SMARCC1: variants seen among roughly 807,000 people sequenced by gnomAD.
SMARCC1 encodes SWI/SNF complex subunit SMARCC1.
In SMARCC1, 43 loss-of-function variants were observed where a neutral mutation model predicts 147.4. The observed-to-expected ratio is 0.29, with a 90% CI of 0.23 to 0.38. SMARCC1 has a LOEUF of 0.38. Among genes scored for constraint, SMARCC1 ranks in the 10% least tolerant of loss-of-function variants. SMARCC1 has a pLI of 1.00. For missense variants in SMARCC1, 1,119 were observed against 1,381.1 expected (o/e 0.81, Z 3.01); for synonymous variants, 495 against 484.4 (o/e 1.02, Z -0.29).
rs560241381 is a variant in SMARCC1 at position 47,720,467 on chromosome 3, A to G, written c.716+199T>C. Among the ~76,000 whole-genome samples the G allele has an allele frequency of 4.6e-5, 7 of 152,192 alleles. No individual in the cohort carries two copies. In the South Asian group the frequency reaches 1.4e-3, roughly 31 times the overall value. ...AGCTAAATAAAGCCATTTATGGCTT[A>G]TTCATTCACCATTTAATGGTGACCT... On this transcript the variant is annotated intron_variant, in intron 7 of 27. Coordinates refer to ENST00000254480, the MANE Select transcript of SMARCC1 (RefSeq NM_003074.4).
chr3:47,585,564 C>T lies in SMARCC1; in HGVS notation c.*2645G>A, dbSNP rs1010274330. 7.2e-5 allele frequency: 11 copies of T among 152,340 alleles called. No individual in the cohort carries two copies. The highest frequency in any genetic ancestry group is 5.2e-4 in the Admixed American group (8 of 15,304). 9.4% of individuals were successfully genotyped at this position (152,340 alleles called of 1,614,324 possible). On this transcript the variant is annotated 3_prime_UTR_variant, in exon 28 of 28. Coordinates refer to ENST00000254480, the MANE Select transcript of SMARCC1 (RefSeq NM_003074.4). ...ATCTTCTGCCCTCAAGGCCTGCCTC[C>T]AACTTGGGACTGTCTAAACTGCATC...
At chr3:47,681,392 CACAGAAGTACATTTTA>C (rs1391952855) in intron 14 of SMARCC1, among the ~76,000 whole-genome samples, 1 of 152,050 alleles carries the variant, frequency 6.6e-6, no homozygotes, top group African/African-American at 2.4e-5. Flanking sequence ...TTAATAATAT[CACAGAAGTACATTTTA>C]ACAATATATG....
chr3:47,663,650 T>A, intron 19 of SMARCC1: 1 of 1,514,328 alleles, frequency 6.6e-7, no homozygotes, highest in Non-Finnish European at 9.2e-7. Flanking sequence ...AGAGGTCCCC[T>A]TTGAACCATC....
chr3:47,682,160 T>C (rs2033652037), intron 14 of SMARCC1, among the ~76,000 whole-genome samples: 1 of 151,062 alleles, frequency 6.6e-6, no homozygotes, highest in Non-Finnish European at 1.5e-5. Flanking sequence ...CCGGGCATGG[T>C]GTTGGGTGCC....
At chr3:47,666,243 T>C (rs1262962899) in intron 19 of SMARCC1, among the ~76,000 whole-genome samples, 1 of 152,200 alleles carries the variant, frequency 6.6e-6, no homozygotes, top group East Asian at 1.9e-4. Context: ...AACACAGCTA[T>C]ACCATTCCCA....
At chr3:47,623,602 C>T (rs944856959) in intron 24 of SMARCC1, among the ~76,000 whole-genome samples, 34 of 152,120 alleles carry the variant, frequency 2.2e-4, no homozygotes, top group Non-Finnish European at 3.4e-4. Flanking sequence ...CAATGAGCTA[C>T]ATCAATGACA....
chr3:47,713,649 T>C (rs1439717146), intron 8 of SMARCC1, among the ~76,000 whole-genome samples: 1 of 152,092 alleles, frequency 6.6e-6, no homozygotes, highest in Non-Finnish European at 1.5e-5. Flanking sequence ...TGCCTTAGCC[T>C]CCCAAAGTGT....
chr3:47,733,924 T>C (rs546768272), intron 5 of SMARCC1, among the ~76,000 whole-genome samples: 3 of 151,176 alleles, frequency 2.0e-5, no homozygotes, highest in African/African-American at 7.3e-5. Context: ...TGTGCTTGTA[T>C]ATACATATAT....
intron 14 of SMARCC1, among the ~76,000 whole-genome samples, chr3:47,681,863 T>C (rs911801131): frequency 6.6e-6 from 1 of 152,096 alleles, no homozygotes; most frequent in African/African-American, 2.4e-5. Context: ...AATGTTTTCA[T>C]TGTTACAGGT....
Position 47,650,276 on chromosome 3 carries a change from AAATAAT to A in SMARCC1, c.2320+11012_2320+11017del, listed in dbSNP as rs34728200. Among the ~76,000 whole-genome samples the A allele has an allele frequency of 4.0e-4, 56 of 138,500 alleles. 1 individual carries two copies. Among genetic ancestry groups the A allele is most frequent in the Admixed American group, 2.6e-3 (36 of 13,760 alleles). The allele number at this position is 138,500 out of a possible 152,430, so 90.9% of individuals were successfully genotyped here. A position where few individuals can be genotyped will look rare whatever the true frequency, so the allele number is the denominator to read the frequency against. Reference sequence around the variant, plus strand: ...GGGCGACAGAGCGAGACTCTGTTTAAAATAATAATAATAATAATAATAATTATTATT... The same window carrying A: ...GGGCGACAGAGCGAGACTCTGTTTAAAATAATAATAATAATAATTATTATT... On this transcript the variant is annotated intron_variant, in intron 21 of 27. Transcript: ENST00000254480.
At chr3:47,724,365 T>C (rs1282787813) in intron 6 of SMARCC1, among the ~76,000 whole-genome samples, 3 of 152,154 alleles carry the variant, frequency 2.0e-5, no homozygotes, top group Admixed American at 6.6e-5. Flanking sequence ...CCAAGTAAAA[T>C]AGGCCAGTCA....
At chr3:47,759,308 C>T (rs1458538001) in intron 2 of SMARCC1, among the ~76,000 whole-genome samples, 1 of 151,476 alleles carries the variant, frequency 6.6e-6, no homozygotes, top group Non-Finnish European at 1.5e-5. Context: ...CCACAGCATA[C>T]AGTACACTCT....
chr3:47,677,574 C>T (rs1165555048), intron 16 of SMARCC1, among the ~76,000 whole-genome samples: 1 of 150,898 alleles, frequency 6.6e-6, no homozygotes, highest in African/African-American at 2.4e-5. Context: ...TTTTTTGAGA[C>T]ACAATCTTGC....
At chr3:47,658,811 T>C (rs2033297331) in intron 21 of SMARCC1, among the ~76,000 whole-genome samples, 1 of 151,974 alleles carries the variant, frequency 6.6e-6, no homozygotes, top group Non-Finnish European at 1.5e-5. Context: ...TAAATCTTGG[T>C]AGAATTATAA....
chr3:47,592,179 A>G (rs1276273707), intron 26 of SMARCC1, among the ~76,000 whole-genome samples: 1 of 152,208 alleles, frequency 6.6e-6, no homozygotes, highest in African/African-American at 2.4e-5. Context: ...CAGTTTCACA[A>G]TGAGCCTTCT....
chr3:47,632,460 T>G (rs2032905902), intron 24 of SMARCC1, among the ~76,000 whole-genome samples: 1 of 152,004 alleles, frequency 6.6e-6, no homozygotes, highest in Non-Finnish European at 1.5e-5. Context: ...TAAAAGGTAA[T>G]CTACCATTTT....
At chr3:47,765,502 A>C (rs951027468) in intron 2 of SMARCC1, among the ~76,000 whole-genome samples, 2 of 152,112 alleles carry the variant, frequency 1.3e-5, no homozygotes, top group African/African-American at 4.8e-5. Context: ...TTATTCCACA[A>C]GTAAATTTCC....
At chr3:47,707,910 A>G (rs2034028193) in intron 9 of SMARCC1, among the ~76,000 whole-genome samples, 1 of 152,010 alleles carries the variant, frequency 6.6e-6, no homozygotes, top group Non-Finnish European at 1.5e-5. Context: ...TGAATTAAAC[A>G]TTAATTTTCT....
chr3:47,610,045 A>G (rs1315236319), intron 26 of SMARCC1, 21 bp downstream of exon 26: 2 of 1,610,144 alleles, frequency 1.2e-6, no homozygotes, highest in African/African-American at 1.3e-5. Context: ...GCTTTTTCCA[A>G]GAGCAGGGCC....
Sources: allele counts gnomAD v4.1 joint callset (sites outside exome capture counted in the v4.1 genomes callset), GRCh38; gene constraint gnomAD v4.1.1; transcripts MANE v1.5; gene names NCBI Gene and HGNC (gene_info 2026-07-23, HGNC 2026-07-21).